The following ADGRV1 variants were observed in gnomAD, a reference collection of about 807,000 sequenced individuals.
The protein encoded by ADGRV1 is G-protein coupled receptor 98.
A neutral mutation model predicts 596.2 loss-of-function variants in ADGRV1; 359 were observed. That is an observed-to-expected ratio of 0.60 (90% CI 0.55 to 0.66). The LOEUF (loss-of-function observed/expected upper bound fraction) is 0.66. ADGRV1 is among the 30% of genes least tolerant of loss of function. ADGRV1 has a pLI of 0.00. For synonymous variants in ADGRV1, 2,681 were observed against 2,679.2 expected (o/e 1.00, Z -0.02); for missense variants, 7,274 against 7,575.6 (o/e 0.96, Z 1.48).
intron 85 of ADGRV1, among the ~76,000 whole-genome samples, chr5:91,038,109 A>G (rs1785053507): frequency 1.3e-5 from 2 of 152,204 alleles, no homozygotes; most frequent in Admixed American, 6.5e-5. Flanking sequence ...GGTCCCAAGC[A>G]TTTCAGATAC....
intron 74 of ADGRV1, among the ~76,000 whole-genome samples, chr5:90,814,892 G>T (rs1762756456): frequency 6.6e-6 from 1 of 152,136 alleles, no homozygotes; most frequent in Non-Finnish European, 1.5e-5. Context: ...ACTATGCAGT[G>T]GTATTTCTCT....
At chr5:90,733,460 A>G (rs917624565) in intron 50 of ADGRV1, among the ~76,000 whole-genome samples, 5 of 152,188 alleles carry the variant, frequency 3.3e-5, no homozygotes, top group Non-Finnish European at 7.3e-5. Context: ...GTTAAAGTGT[A>G]CAAAGTAAAT....
intron 85 of ADGRV1, among the ~76,000 whole-genome samples, chr5:91,017,935 C>T (rs1783309720): frequency 6.6e-6 from 1 of 151,766 alleles, no homozygotes; most frequent in Admixed American, 6.6e-5. Flanking sequence ...AAATTGTTAA[C>T]AGAAAACTAT....
chr5:90,580,616 C>T lies in ADGRV1; in HGVS notation c.22+21699C>T, dbSNP rs184989395. 4.5e-4 allele frequency among the ~76,000 whole-genome samples: 68 copies of T among 152,316 alleles called. No homozygotes were observed. In the East Asian group the frequency reaches 7.5e-3, roughly 17 times the overall value. On this transcript the variant is annotated intron_variant, in intron 1 of 89. Transcript: ENST00000405460. ...AATGTTGAATATTGGCTCCCACTCT[C>T]TTCTGGCTTGTAGGGTTTCTGCCGA...
At chr5:90,695,925 A>G (rs1481806904) in intron 33 of ADGRV1, among the ~76,000 whole-genome samples, 1 of 152,152 alleles carries the variant, frequency 6.6e-6, no homozygotes, top group Non-Finnish European at 1.5e-5. Context: ...TGTTAACTAC[A>G]AAGAAAGTTA....
At chr5:90,594,282 T>A (rs1382237126) in intron 1 of ADGRV1, among the ~76,000 whole-genome samples, 1 of 152,074 alleles carries the variant, frequency 6.6e-6, no homozygotes, top group Non-Finnish European at 1.5e-5. Context: ...CTCCATGCTG[T>A]TCTCATGATA....
At chr5:90,835,353 A>C (rs1055218571) in intron 77 of ADGRV1, among the ~76,000 whole-genome samples, 2 of 152,214 alleles carry the variant, frequency 1.3e-5, no homozygotes, top group African/African-American at 4.8e-5. Flanking sequence ...CTGGATTATC[A>C]GGCAGAGACT....
chr5:90,702,155 A>G (rs889032665), intron 34 of ADGRV1, among the ~76,000 whole-genome samples: 91 of 151,960 alleles, frequency 6.0e-4, no homozygotes, highest in African/African-American at 1.8e-3. Flanking sequence ...TATATATTGT[A>G]CAATAGAGAG....
rs1373973155 is a variant in ADGRV1, at chr5:91,013,461, C to T, written c.18152+27939C>T. Among the ~76,000 whole-genome samples the T allele has an allele frequency of 2.0e-5, 3 of 152,032 alleles. No individual in the cohort carries two copies. The East Asian group carries it at 5.8e-4, about 29-fold the overall frequency. The stretch of plus-strand genomic sequence containing the variant: ...TTTTGATTTGCATTTCTCTAATGAT[C>T]AGTGATACTGAGCTTTCTTCATATG... On this transcript the variant is annotated intron_variant, in intron 85 of 89. Transcript: ENST00000405460.
At chr5:90,958,288 A>AG in intron 83 of ADGRV1, among the ~76,000 whole-genome samples, 1 of 146,568 alleles carries the variant, frequency 6.8e-6, no homozygotes, top group South Asian at 2.1e-4. Flanking sequence ...TGTCTCAAAA[A>AG]AAAAAAAAAA....
At chr5:91,120,162 A>G (rs1793182516) in intron 87 of ADGRV1, among the ~76,000 whole-genome samples, 1 of 152,224 alleles carries the variant, frequency 6.6e-6, no homozygotes, top group African/African-American at 2.4e-5. Flanking sequence ...CGCCTGGAGC[A>G]CGTGGTCAAG....
chr5:90,936,384 A>G (rs969706687), intron 83 of ADGRV1, among the ~76,000 whole-genome samples: 20 of 152,122 alleles, frequency 1.3e-4, no homozygotes, highest in African/African-American at 4.8e-4. Context: ...ATATTTTTGC[A>G]TCTCTTTAGG....
At chr5:90,775,573 C>A (rs1385707260) in intron 60 of ADGRV1, among the ~76,000 whole-genome samples, 1 of 152,120 alleles carries the variant, frequency 6.6e-6, no homozygotes, top group African/African-American at 2.4e-5. Flanking sequence ...AATTCCCAGG[C>A]TCAAACAAAC....
intron 83 of ADGRV1, among the ~76,000 whole-genome samples, chr5:90,868,946 A>G (rs1210560872): frequency 6.6e-6 from 1 of 152,174 alleles, no homozygotes; most frequent in Admixed American, 6.5e-5. Flanking sequence ...GGTCAAGACC[A>G]TTATTCATCC....
At chr5:90,721,171 A>G in intron 45 of ADGRV1, 112 bp downstream of exon 45, 1 of 918,986 alleles carries the variant, frequency 1.1e-6, no homozygotes, top group South Asian at 1.7e-5. Flanking sequence ...AAAATGGAAA[A>G]CAGATAATCT....
At chr5:90,667,132 T>C (rs1294248259) in intron 21 of ADGRV1, among the ~76,000 whole-genome samples, 1 of 150,486 alleles carries the variant, frequency 6.6e-6, no homozygotes, top group Non-Finnish European at 1.5e-5. Context: ...GCGTTCTCTG[T>C]ATTTCCTGAA....
rs769194706 is a variant in ADGRV1, at chr5:90,674,114, A to C, written c.4990A>C (p.Thr1664Pro). 3 of 1,613,358 alleles carry C rather than the reference A, an allele frequency of 1.9e-6. No homozygotes were observed. The highest frequency in any genetic ancestry group is 2.5e-6 in the Non-Finnish European group (3 of 1,179,472). ...TGAACTTAATGAGTATTTCCGTGTG[A>C]CATTGGTTTCTGCAATTCCTGGAGA... is the stretch of plus-strand genomic sequence containing the variant. The part of the protein sequence containing the change: ...IPELNEYFRV[T>P]LVSAIPGDGK... The change falls in exon 23 of 90, where the codon ACA becomes CCA. Residue 1664 changes from threonine to proline, a missense_variant. Around this residue, in one of 5 missense-constraint regions of ADGRV1, gnomAD observed 3,643 missense variants for 3,809.2 expected, o/e 0.96. Transcript: ENST00000405460.
intron 50 of ADGRV1, among the ~76,000 whole-genome samples, chr5:90,738,815 A>G (rs951948004): frequency 1.3e-5 from 2 of 152,076 alleles, no homozygotes; most frequent in Non-Finnish European, 2.9e-5. Context: ...TGAGCTTCCA[A>G]TTTCTAGATA....
chr5:90,808,011 T>C (rs1429131857), intron 73 of ADGRV1, among the ~76,000 whole-genome samples: 2 of 152,204 alleles, frequency 1.3e-5, no homozygotes, highest in African/African-American at 2.4e-5. Context: ...GCAGTTCTCC[T>C]CTTGTTAAAG....
Sources: gnomAD v4.1 joint callset for allele counts (sites outside exome capture counted in the v4.1 genomes callset) on GRCh38, gnomAD v4.1.1 for gene constraint, gnomAD v4.1.1 regional missense constraint, MANE v1.5 for transcripts, NCBI Gene and HGNC (gene_info 2026-07-23, HGNC 2026-07-21) for gene names.